The following KCNIP4 variants were observed in gnomAD, a reference collection of about 807,000 sequenced individuals.
The protein encoded by KCNIP4 is Kv channel-interacting protein 4.
In KCNIP4, 12 loss-of-function variants were observed where a neutral mutation model predicts 34.0. The ratio of observed to expected loss-of-function variants is 0.35; its 90% CI spans 0.23 to 0.57. KCNIP4 has a LOEUF of 0.57. KCNIP4 is among the 20% of genes least tolerant of loss of function. The probability of loss-of-function intolerance (pLI) is 0.83; values close to 1 mark genes in which losing one functional copy is unlikely to be tolerated. For missense variants in KCNIP4, 238 were observed against 311.7 expected, an observed-to-expected ratio of 0.76 and a Z score of 1.78; for synonymous variants, 124 against 102.2, an observed-to-expected ratio of 1.21 and a Z score of -1.29.
chr4:21,889,686 G>A (rs1305335474), intron 1 of KCNIP4, among the ~76,000 whole-genome samples: 2 of 152,032 alleles, frequency 1.3e-5, no homozygotes, highest in South Asian at 2.1e-4. Context: ...AAAGGTTTTC[G>A]AGTAGGAAAA....
intron 1 of KCNIP4, among the ~76,000 whole-genome samples, chr4:20,940,371 AT>A (rs771890912): frequency 2.0e-5 from 3 of 152,184 alleles, no homozygotes; most frequent in Admixed American, 6.5e-5. Context: ...GCTGTATCTC[AT>A]TTATCTAAGT....
intron 1 of KCNIP4, among the ~76,000 whole-genome samples, chr4:21,583,918 G>A (rs1224894725): frequency 6.6e-6 from 1 of 151,952 alleles, no homozygotes; most frequent in Non-Finnish European, 1.5e-5. Context: ...TAAAATTTCT[G>A]TTCTTTTCTT....
chr4:20,974,431 C>A (rs2149681896), intron 1 of KCNIP4, among the ~76,000 whole-genome samples: 1 of 150,096 alleles, frequency 6.7e-6, no homozygotes, highest in Non-Finnish European at 1.5e-5. Context: ...TCACTTAAAG[C>A]TGAAATGGAG....
chr4:21,687,250 C>T (rs904253386), intron 1 of KCNIP4, among the ~76,000 whole-genome samples: 3 of 146,158 alleles, frequency 2.1e-5, no homozygotes, highest in Non-Finnish European at 4.5e-5. Context: ...AGCGCACCAG[C>T]ATGGCACATG....
At position 20,729,323 on chromosome 4, in the gene KCNIP4, C is replaced by G. The variant is rs1473894997; in HGVS notation, c.*759G>C. On this transcript the variant is annotated 3_prime_UTR_variant, in exon 9 of 9. Coordinates refer to ENST00000382152, the MANE Select transcript of KCNIP4 (RefSeq NM_025221.6). ...TTCAACTTCCACTTAATGATTGATA[C>G]TAATGATTGATACAATAGAAAACAG... 4 of 151,230 alleles carry G rather than the reference C, an allele frequency of 2.6e-5. No homozygotes were observed. The highest frequency in any genetic ancestry group is 9.7e-5 in the African/African-American group (4 of 41,158). The allele number at this position is 151,230 out of a possible 1,614,324, so 9.4% of individuals were successfully genotyped here. A position where few individuals can be genotyped will look rare whatever the true frequency, so the allele number is the denominator to read the frequency against.
intron 1 of KCNIP4, among the ~76,000 whole-genome samples, chr4:21,566,262 A>G (rs1296600386): frequency 1.3e-5 from 2 of 152,190 alleles, no homozygotes; most frequent in Admixed American, 1.3e-4. Context: ...CCAGTGTCAC[A>G]GTCTCTAGAC....
intron 1 of KCNIP4, among the ~76,000 whole-genome samples, chr4:20,977,800 C>T (rs142530112): frequency 6.6e-6 from 1 of 152,156 alleles, no homozygotes; most frequent in East Asian, 1.9e-4. Context: ...GATCTCTCAA[C>T]TCTTGAGATG....
chr4:21,431,203 G>A (rs1347855678), intron 1 of KCNIP4, among the ~76,000 whole-genome samples: 1 of 151,950 alleles, frequency 6.6e-6, no homozygotes, highest in Non-Finnish European at 1.5e-5. Context: ...ATATAGAACT[G>A]TGTCTATGAA....
intron 1 of KCNIP4, among the ~76,000 whole-genome samples, chr4:21,810,354 C>T (rs1721557991): frequency 6.6e-6 from 1 of 152,074 alleles, no homozygotes; most frequent in Admixed American, 6.5e-5. Context: ...CTCCTCCTTC[C>T]CCCAACCCTC....
rs370913280 is a variant in KCNIP4 at position 21,317,080 on chromosome 4, A to G, written c.62-434371T>C. Among the ~76,000 whole-genome samples, 5 of 152,308 alleles carry G rather than the reference A, an allele frequency of 3.3e-5. No individual in the cohort carries two copies. In the South Asian group the frequency reaches 1.0e-3, roughly 32 times the overall value. On this transcript the variant is annotated intron_variant, in intron 1 of 8. Transcript: ENST00000382152. ...CTTCACATTTCTTAGGTGGCCATTC[A>G]GGAGATACTTACAAGACGATTTAGT... is the stretch of plus-strand genomic sequence containing the variant.
At chr4:21,174,137 T>G (rs1754223763) in intron 1 of KCNIP4, among the ~76,000 whole-genome samples, 1 of 152,170 alleles carries the variant, frequency 6.6e-6, no homozygotes, top group African/African-American at 2.4e-5. Context: ...ATGGATCCAC[T>G]CAATTTTTGC....
chr4:21,749,921 G>C (rs1011887093), intron 1 of KCNIP4, among the ~76,000 whole-genome samples: 2 of 152,160 alleles, frequency 1.3e-5, no homozygotes, highest in African/African-American at 4.8e-5. Flanking sequence ...TGAGGCTGGA[G>C]CTATACAGTA....
At chr4:21,752,586 AG>A (rs1717227038) in intron 1 of KCNIP4, among the ~76,000 whole-genome samples, 1 of 152,172 alleles carries the variant, frequency 6.6e-6, no homozygotes, top group Admixed American at 6.6e-5. Context: ...TACTAGAGGA[AG>A]AAAAAAAAGG....
chr4:21,142,176 A>T (rs1752016294), intron 1 of KCNIP4, among the ~76,000 whole-genome samples: 1 of 151,714 alleles, frequency 6.6e-6, no homozygotes, highest in Non-Finnish European at 1.5e-5. Context: ...AAAACCCAAA[A>T]AACAAACAAA....
intron 1 of KCNIP4, among the ~76,000 whole-genome samples, chr4:21,037,505 G>T (rs1022717381): frequency 3.9e-5 from 6 of 152,204 alleles, no homozygotes; most frequent in African/African-American, 1.4e-4. Flanking sequence ...ATAGCAATGG[G>T]CTATATCATA....
At chr4:21,622,594 T>G (rs533609420) in intron 1 of KCNIP4, among the ~76,000 whole-genome samples, 24 of 152,258 alleles carry the variant, frequency 1.6e-4, no homozygotes, top group Middle Eastern at 6.8e-3. Flanking sequence ...ACATGTTTAT[T>G]TATATCACTG....
chr4:21,826,516 G>A (rs1203026759), intron 1 of KCNIP4, among the ~76,000 whole-genome samples: 1 of 151,942 alleles, frequency 6.6e-6, no homozygotes, highest in Non-Finnish European at 1.5e-5. Flanking sequence ...AGTCAACAAG[G>A]TGTTTTTTAA....
chr4:21,458,877 C>T (rs1188626472), intron 1 of KCNIP4, among the ~76,000 whole-genome samples: 1 of 151,990 alleles, frequency 6.6e-6, no homozygotes, highest in African/African-American at 2.4e-5. Flanking sequence ...TATCTAAACT[C>T]ATACACCCCT....
intron 1 of KCNIP4, among the ~76,000 whole-genome samples, chr4:20,906,110 C>G (rs942872534): frequency 2.2e-5 from 3 of 136,670 alleles, no homozygotes; most frequent in Non-Finnish European, 4.7e-5. Flanking sequence ...CTCTTTTTCT[C>G]TCTTTCTCTT....
Sources: allele counts gnomAD v4.1 joint callset (sites outside exome capture counted in the v4.1 genomes callset), GRCh38; gene constraint gnomAD v4.1.1; transcripts MANE v1.5; gene names NCBI Gene and HGNC (gene_info 2026-07-23, HGNC 2026-07-21).